Variants in ZFP82 observed in about 807,000 individuals in gnomAD.
ZFP82 encodes the protein ZFP82 zinc finger protein.
ZFP82 carries 30 observed loss-of-function variants against 54.0 expected under a neutral mutation model. That is an observed-to-expected ratio of 0.56 (90% CI 0.42 to 0.75). The LOEUF (loss-of-function observed/expected upper bound fraction) is 0.75. ZFP82 is among the 30% of genes least tolerant of loss of function. The probability of loss-of-function intolerance (pLI) is 0.00; values close to 1 mark genes in which losing one functional copy is unlikely to be tolerated. For missense variants in ZFP82, 500 were observed against 636.8 expected (o/e 0.79, Z 2.31); for synonymous variants, 194 against 209.5 (o/e 0.93, Z 0.64).
At chr19:36,415,104 AG>A (rs1404640213) in intron 1 of ZFP82, among the ~76,000 whole-genome samples, 1 of 152,226 alleles carries the variant, frequency 6.6e-6, no homozygotes, top group Non-Finnish European at 1.5e-5. Flanking sequence ...TACAGGCGTG[AG>A]CCACCAGGCC....
intron 4 of ZFP82, 134 bp from the exon 5 acceptor site, chr19:36,394,244 GA>G (rs752292442): frequency 1.1e-4 from 86 of 801,034 alleles, no homozygotes; most frequent in East Asian, 1.4e-4. Flanking sequence ...AATTTGGAAA[GA>G]AAAAAAAAGC....
chr19:36,398,064 G>C (rs2032326429), intron 4 of ZFP82, among the ~76,000 whole-genome samples: 1 of 152,104 alleles, frequency 6.6e-6, no homozygotes, highest in Non-Finnish European at 1.5e-5. Context: ...TTTAAAGACA[G>C]GCTATCAAAA....
intron 4 of ZFP82, 79 bp from the exon 5 acceptor site, chr19:36,394,189 ACAACAAAAGT>A: frequency 1.5e-6 from 2 of 1,296,488 alleles, no homozygotes; most frequent in Non-Finnish European, 2.1e-6. Context: ...GAAATAAAAG[ACAACAAAAGT>A]AATCCTTAAC....
At chr19:36,404,135 T>C (rs749959481) in intron 4 of ZFP82, among the ~76,000 whole-genome samples, 1 of 152,188 alleles carries the variant, frequency 6.6e-6, no homozygotes, top group Non-Finnish European at 1.5e-5. Flanking sequence ...ATATTGATAG[T>C]GTCTGTGACA....
At chr19:36,388,441 A>G (rs1406059105), downstream of ZFP82, among the ~76,000 whole-genome samples, 1 of 151,792 alleles carries the variant, frequency 6.6e-6, no homozygotes, top group Non-Finnish European at 1.5e-5. Context: ...ATAACTGTAC[A>G]TATTTTCCCC....
At chr19:36,398,663 C>A (rs368467287) in intron 4 of ZFP82, among the ~76,000 whole-genome samples, 2 of 151,342 alleles carry the variant, frequency 1.3e-5, no homozygotes, top group South Asian at 4.2e-4. Flanking sequence ...GAAAAGGTAA[C>A]TAAAAAAAGA....
chr19:36,409,645 G>C (rs934679688), intron 2 of ZFP82, 136 bp downstream of exon 2: 6 of 858,772 alleles, frequency 7.0e-6, no homozygotes, highest in Non-Finnish European at 1.1e-5. Flanking sequence ...AAGCATTGTG[G>C]TTCACCCGCC....
Position 36,409,791 on chromosome 19 carries a change from G to A in ZFP82, c.-2C>T. The A allele has an allele frequency of 1.9e-6, 3 of 1,613,824 alleles. No individual in the cohort carries two copies. The highest frequency in any genetic ancestry group is 1.7e-6 in the Non-Finnish European group (2 of 1,179,882). On this transcript the variant is annotated 5_prime_UTR_variant, in exon 2 of 5. Transcript: ENST00000392161. ...GAGAAAAAAACTTACAAGGGCCATG[G>A]TATAGAAATTCAAGAACTGGTCAGT... is the stretch of plus-strand genomic sequence containing the variant.
chr19:36,394,187 AGAC>A, intron 4 of ZFP82, 77 bp from the exon 5 acceptor site: 3 of 1,289,300 alleles, frequency 2.3e-6, no homozygotes, highest in Non-Finnish European at 3.2e-6. Flanking sequence ...TAGAAATAAA[AGAC>A]AACAAAAGTA....
At chr19:36,412,979 G>A (rs758470074) in intron 1 of ZFP82, among the ~76,000 whole-genome samples, 1 of 152,092 alleles carries the variant, frequency 6.6e-6, no homozygotes, top group Admixed American at 6.6e-5. Context: ...TTTCCCCCAA[G>A]GACTGGCACA....
In ZFP82 at chr19:36,389,051, T is replaced by A. The variant is rs1388444047; in HGVS notation, c.*3690A>T. Among the ~76,000 whole-genome samples, 1 of 151,672 alleles carries A rather than the reference T, an allele frequency of 6.6e-6. No individual in the cohort carries two copies. The highest frequency in any genetic ancestry group is 1.9e-4 in the East Asian group (1 of 5,188). On this transcript the variant is annotated 3_prime_UTR_variant, in exon 5 of 5. Coordinates refer to ENST00000392161, the MANE Select transcript of ZFP82 (RefSeq NM_133466.4). Reference sequence around the variant, plus strand: ...CAGACTTGATTTTCTTTCTTTTTTTTTTTTTTTGAGATGGAGTCTCACTCT... The same window carrying A: ...CAGACTTGATTTTCTTTCTTTTTTTATTTTTTTGAGATGGAGTCTCACTCT...
intron 1 of ZFP82, among the ~76,000 whole-genome samples, chr19:36,410,622 C>G (rs1296679610): frequency 6.6e-6 from 1 of 151,980 alleles, no homozygotes; most frequent in Non-Finnish European, 1.5e-5. Context: ...TCTGCCTCAG[C>G]CTCCCAAGTA....
rs1364912050 is a variant in ZFP82, at chr19:36,389,746, T to C, written c.*2995A>G. On this transcript the variant is annotated 3_prime_UTR_variant, in exon 5 of 5. Transcript: ENST00000392161. ...TTTTCTTTATTTTCTGTATTCCTGATGCTCTGGCCACTTGGGGCCTTGATC... is the reference window on the plus strand; with the variant it reads ...TTTTCTTTATTTTCTGTATTCCTGACGCTCTGGCCACTTGGGGCCTTGATC... Among the ~76,000 whole-genome samples the C allele has an allele frequency of 2.0e-5, 3 of 152,226 alleles. No individual in the cohort carries two copies. The highest frequency in any genetic ancestry group is 7.2e-5 in the African/African-American group (3 of 41,460).
At chr19:36,383,659 G>A (rs2032084866), downstream of ZFP82, 1 of 151,924 alleles carries the variant, frequency 6.6e-6, no homozygotes, top group Non-Finnish European at 1.5e-5. Flanking sequence ...TGATTGCCTA[G>A]AAAACCAAGA....
intron 4 of ZFP82, among the ~76,000 whole-genome samples, chr19:36,401,284 C>T (rs150420249): frequency 1.3e-4 from 20 of 152,166 alleles, no homozygotes; most frequent in African/African-American, 4.3e-4. Flanking sequence ...TCCAGGTGTA[C>T]GTATTCAACT....
At chr19:36,407,396 T>TA (rs2032503131) in intron 3 of ZFP82, among the ~76,000 whole-genome samples, 1 of 152,156 alleles carries the variant, frequency 6.6e-6, no homozygotes, top group Non-Finnish European at 1.5e-5. Context: ...TTTTCAATCA[T>TA]AAAGGTAGGT....
chr19:36,408,391 A>T (rs1220344162), intron 2 of ZFP82, among the ~76,000 whole-genome samples: 4 of 151,894 alleles, frequency 2.6e-5, no homozygotes, highest in African/African-American at 4.8e-5. Flanking sequence ...TAAAGAACAG[A>T]TTTTTTTTTA....
At chr19:36,397,611 A>G (rs1045737076) in intron 4 of ZFP82, among the ~76,000 whole-genome samples, 6 of 151,982 alleles carry the variant, frequency 3.9e-5, no homozygotes, top group Non-Finnish European at 7.4e-5. Flanking sequence ...CCCAGGCTAG[A>G]GTGCAGTAGT....
At chr19:36,413,133 C>T (rs1303957345) in intron 1 of ZFP82, among the ~76,000 whole-genome samples, 5 of 152,122 alleles carry the variant, frequency 3.3e-5, no homozygotes, top group Admixed American at 3.3e-4. Context: ...AATTTATTGG[C>T]CAGGCATAGT....
Sources: gnomAD v4.1 joint callset for allele counts (sites outside exome capture counted in the v4.1 genomes callset) on GRCh38, gnomAD v4.1.1 for gene constraint, MANE v1.5 for transcripts, NCBI Gene and HGNC (gene_info 2026-07-23, HGNC 2026-07-21) for gene names.